NTRK2: variants seen among roughly 807,000 people sequenced by gnomAD.
NTRK2 encodes the protein BDNF/NT-3 growth factors receptor.
Under a neutral mutation model 94.5 loss-of-function variants are expected in NTRK2, and 13 were observed. That is an observed-to-expected ratio of 0.14 (90% CI 0.09 to 0.22). The LOEUF is 0.22. NTRK2 is among the 10% of genes least tolerant of loss of function. NTRK2 has a pLI of 1.00. For missense variants in NTRK2, 639 were observed against 1,071.2 expected (o/e 0.60, Z 5.63); for synonymous variants, 372 against 407.4 (o/e 0.91, Z 1.05).
intron 9 of NTRK2, among the ~76,000 whole-genome samples, chr9:84,728,163 A>G (rs1056944831): frequency 6.6e-6 from 1 of 152,192 alleles, no homozygotes; most frequent in Non-Finnish European, 1.5e-5. Flanking sequence ...AGCAGCAGCT[A>G]CATAGGAGAT....
intron 11 of NTRK2, among the ~76,000 whole-genome samples, chr9:84,751,307 C>T (rs991712484): frequency 1.3e-5 from 2 of 152,182 alleles, no homozygotes; most frequent in African/African-American, 2.4e-5. Flanking sequence ...GGGCTGGATG[C>T]GGTGGCTCAT....
chr9:84,881,779 GC>G (rs1466731218), intron 14 of NTRK2, among the ~76,000 whole-genome samples: 1 of 152,176 alleles, frequency 6.6e-6, no homozygotes, highest in African/African-American at 2.4e-5. Context: ...TGGGTTTGAA[GC>G]TTTTTCTCTT....
chr9:84,914,643 G>C (rs1026595697), intron 14 of NTRK2, among the ~76,000 whole-genome samples: 4 of 152,144 alleles, frequency 2.6e-5, no homozygotes, highest in Non-Finnish European at 5.9e-5. Flanking sequence ...TGGTTCGCTG[G>C]AGTATAGCGA....
intron 2 of NTRK2, among the ~76,000 whole-genome samples, chr9:84,701,809 A>G (rs960124683): frequency 6.6e-6 from 1 of 152,244 alleles, no homozygotes; most frequent in Non-Finnish European, 1.5e-5. Flanking sequence ...TCTCACCGTA[A>G]GAGTGGAAAC....
chr9:84,730,755 A>AAT (rs2062805138), intron 9 of NTRK2, among the ~76,000 whole-genome samples: 1 of 112,016 alleles, frequency 8.9e-6, no homozygotes, highest in Non-Finnish European at 1.7e-5. Context: ...AAAAAAAAAA[A>AAT]AAAAACTAAA....
At chr9:84,742,606 T>C (rs984313920) in intron 10 of NTRK2, among the ~76,000 whole-genome samples, 58 of 152,200 alleles carry the variant, frequency 3.8e-4, no homozygotes, top group African/African-American at 1.3e-3. Flanking sequence ...CAAGACCCAA[T>C]TGGGTCATAG....
chr9:84,721,054 G>A (rs1213172522), intron 6 of NTRK2, among the ~76,000 whole-genome samples: 3 of 152,088 alleles, frequency 2.0e-5, no homozygotes, highest in Non-Finnish European at 4.4e-5. Flanking sequence ...TTTCATAGTG[G>A]TACATATAAC....
chr9:84,795,138 G>T (rs1238574733), intron 12 of NTRK2, among the ~76,000 whole-genome samples: 2 of 152,170 alleles, frequency 1.3e-5, no homozygotes, highest in African/African-American at 2.4e-5. Context: ...CAAGTTCAGG[G>T]ATCTATCTGT....
intron 12 of NTRK2, among the ~76,000 whole-genome samples, chr9:84,784,829 A>G (rs1045611196): frequency 2.0e-5 from 3 of 152,068 alleles, no homozygotes; most frequent in African/African-American, 4.8e-5. Context: ...ACAAGTCAAA[A>G]TACTAGAAAA....
intron 14 of NTRK2, among the ~76,000 whole-genome samples, chr9:84,923,847 C>G (rs774786801): frequency 1.3e-5 from 2 of 151,974 alleles, no homozygotes; most frequent in Non-Finnish European, 2.9e-5. Flanking sequence ...TCGCAGTGAA[C>G]TGAGATCGCG....
Position 85,025,105 on chromosome 9 carries a change from CGTGG to C in NTRK2, c.*3671_*3674del, listed in dbSNP as rs1286304322. 1 of 232,882 alleles carries C rather than the reference CGTGG, an allele frequency of 4.3e-6. No individual in the cohort carries two copies. Among genetic ancestry groups the C allele is most frequent in the East Asian group, 6.0e-5 (1 of 16,554 alleles). 14.4% of individuals were successfully genotyped at this position (232,882 alleles called of 1,614,324 possible). A position where few individuals can be genotyped will look rare whatever the true frequency, so the allele number is the denominator to read the frequency against. ...TTGCTGTTAGTGCTTCCATACTCCA[CGTGG>C]GTAGGACTACATCACACTTTTCAAC... On this transcript the variant is annotated 3_prime_UTR_variant, in exon 19 of 19. Coordinates refer to ENST00000277120, the MANE Select transcript of NTRK2 (RefSeq NM_006180.6).
chr9:84,947,779 A>C (rs1406571564), intron 15 of NTRK2, among the ~76,000 whole-genome samples: 1 of 152,256 alleles, frequency 6.6e-6, no homozygotes, highest in Admixed American at 6.5e-5. Flanking sequence ...CCAAGAGCTC[A>C]GCACATTATT....
chr9:84,680,647 T>G (rs1437483476), intron 2 of NTRK2, among the ~76,000 whole-genome samples: 1 of 152,150 alleles, frequency 6.6e-6, no homozygotes, highest in Non-Finnish European at 1.5e-5. Flanking sequence ...CTTAGAAAAG[T>G]TTTTCTTTAG....
chr9:84,812,039 A>G, intron 12 of NTRK2: 2 of 1,060,872 alleles, frequency 1.9e-6, no homozygotes, highest in Non-Finnish European at 2.3e-6. Flanking sequence ...TGGATTGGAA[A>G]CATTGATGTT....
At chr9:85,011,525 G>C (rs1424823556) in intron 17 of NTRK2, among the ~76,000 whole-genome samples, 1 of 152,162 alleles carries the variant, frequency 6.6e-6, no homozygotes, top group Non-Finnish European at 1.5e-5. Context: ...ATGGGAAGAG[G>C]CATCTGAGAG....
At chr9:84,840,265 CTTTTTTTTTTTT>C (rs1158579395) in intron 12 of NTRK2, among the ~76,000 whole-genome samples, 2 of 101,848 alleles carry the variant, frequency 2.0e-5, no homozygotes, top group East Asian at 3.0e-4. Flanking sequence ...ATTGACAATT[CTTTTTTTTTTTT>C]TTTTTTTTTT....
chr9:85,011,204 G>A (rs914747726), intron 17 of NTRK2, among the ~76,000 whole-genome samples: 10 of 152,126 alleles, frequency 6.6e-5, no homozygotes, highest in Middle Eastern at 3.4e-3. Context: ...GGAAGGGAAG[G>A]GAGCGGTAGG....
intron 14 of NTRK2, among the ~76,000 whole-genome samples, chr9:84,926,776 C>T (rs1043265368): frequency 6.6e-6 from 1 of 152,168 alleles, no homozygotes; most frequent in East Asian, 1.9e-4. Flanking sequence ...GTATTCCAGG[C>T]TCAGCAGTGG....
chr9:85,003,588 G>A (rs1478361870), intron 17 of NTRK2, among the ~76,000 whole-genome samples: 1 of 152,116 alleles, frequency 6.6e-6, no homozygotes, highest in Non-Finnish European at 1.5e-5. Flanking sequence ...GAGGGGTCCT[G>A]CTAAAATGTT....
Sources: gnomAD v4.1 joint callset for allele counts (sites outside exome capture counted in the v4.1 genomes callset) on GRCh38, gnomAD v4.1.1 for gene constraint, MANE v1.5 for transcripts, NCBI Gene and HGNC (gene_info 2026-07-23, HGNC 2026-07-21) for gene names.